The following TAFA4 variants were observed in gnomAD, a reference collection of about 807,000 sequenced individuals.
TAFA4 encodes the protein TAFA chemokine like family member 4.
A neutral mutation model predicts 21.1 loss-of-function variants in TAFA4; 20 were observed. The ratio of observed to expected loss-of-function variants is 0.95; its 90% CI spans 0.67 to 1.38. TAFA4 has a LOEUF of 1.38. Ranked by LOEUF, TAFA4 falls within the 40% of genes most tolerant of loss-of-function variation. The pLI is 0.00. For synonymous variants in TAFA4, 71 were observed against 67.4 expected (o/e 1.05, Z -0.26); for missense variants, 211 against 180.9 (o/e 1.17, Z -0.95).
intron 2 of TAFA4, among the ~76,000 whole-genome samples, chr3:68,881,338 A>G (rs1212424479): frequency 6.6e-6 from 1 of 151,996 alleles, no homozygotes; most frequent in African/African-American, 2.4e-5. Flanking sequence ...ACCAATCTCA[A>G]CTCCTCCTTT....
chr3:68,761,564 A>T (rs1702756278), intron 3 of TAFA4, among the ~76,000 whole-genome samples: 1 of 152,220 alleles, frequency 6.6e-6, no homozygotes, highest in African/African-American at 2.4e-5. Context: ...AGATGATGCC[A>T]GAAAGATAAT....
At chr3:68,914,910 A>C (rs899114674) in intron 1 of TAFA4, among the ~76,000 whole-genome samples, 1 of 152,368 alleles carries the variant, frequency 6.6e-6, no homozygotes, top group African/African-American at 2.4e-5. Flanking sequence ...AATAAAATTC[A>C]TATTTCAGTA....
intron 5 of TAFA4, among the ~76,000 whole-genome samples, chr3:68,735,288 T>C (rs1164557313): frequency 1.3e-5 from 2 of 152,172 alleles, no homozygotes; most frequent in African/African-American, 4.8e-5. Context: ...TTATAATCTG[T>C]ATTTTGCATC....
intron 3 of TAFA4, among the ~76,000 whole-genome samples, chr3:68,790,711 G>A (rs1421208745): frequency 6.6e-6 from 1 of 152,116 alleles, no homozygotes; most frequent in Non-Finnish European, 1.5e-5. Flanking sequence ...GTGGTACAAT[G>A]GCATAGTAAC....
At chr3:68,790,139 T>A (rs1027694225) in intron 3 of TAFA4, among the ~76,000 whole-genome samples, 1 of 152,072 alleles carries the variant, frequency 6.6e-6, no homozygotes, top group Non-Finnish European at 1.5e-5. Flanking sequence ...TATATAATTA[T>A]CATATAAAGG....
At chr3:68,802,429 G>T (rs1559525742) in intron 3 of TAFA4, among the ~76,000 whole-genome samples, 1 of 151,170 alleles carries the variant, frequency 6.6e-6, no homozygotes. Context: ...TTAGGGGAAG[G>T]GGGGTTGGCA....
chr3:68,854,712 G>A (rs1240058380), intron 3 of TAFA4, among the ~76,000 whole-genome samples: 4 of 151,020 alleles, frequency 2.6e-5, no homozygotes, highest in Admixed American at 1.3e-4. Flanking sequence ...TCTTCTCTCT[G>A]GTTGTGTATT....
At chr3:68,791,280 T>G (rs1055637894) in intron 3 of TAFA4, among the ~76,000 whole-genome samples, 8 of 152,224 alleles carry the variant, frequency 5.3e-5, no homozygotes, top group African/African-American at 1.9e-4. Flanking sequence ...AAGTCTAATC[T>G]AACATGCTGG....
chr3:68,795,673 C>T (rs1703442053), intron 3 of TAFA4, among the ~76,000 whole-genome samples: 1 of 152,122 alleles, frequency 6.6e-6, no homozygotes, highest in Non-Finnish European at 1.5e-5. Context: ...AAAGTAGAGG[C>T]AAAAGATAAA....
At chr3:68,809,445 ATT>A (rs541006171) in intron 3 of TAFA4, among the ~76,000 whole-genome samples, 3 of 151,210 alleles carry the variant, frequency 2.0e-5, no homozygotes, top group African/African-American at 7.3e-5. Flanking sequence ...TTTGTTTGTG[ATT>A]TTTTTTAGTT....
intron 3 of TAFA4, among the ~76,000 whole-genome samples, chr3:68,845,980 G>T (rs1366909222): frequency 1.3e-5 from 2 of 152,030 alleles, no homozygotes; most frequent in Non-Finnish European, 2.9e-5. Flanking sequence ...GGTCAATCTG[G>T]CAATTACGTG....
chr3:68,909,446 T>C (rs898963757), intron 1 of TAFA4, among the ~76,000 whole-genome samples: 3 of 150,226 alleles, frequency 2.0e-5, no homozygotes, highest in African/African-American at 7.6e-5. Context: ...AGTCCCTCAG[T>C]AAATATATCT....
chr3:68,906,404 C>G (rs1270702637), intron 1 of TAFA4, among the ~76,000 whole-genome samples: 4 of 152,178 alleles, frequency 2.6e-5, no homozygotes, highest in African/African-American at 9.7e-5. Context: ...TATGAGACAG[C>G]TTTTATTTAG....
chr3:68,916,758 C>G (rs1213266712), intron 1 of TAFA4, among the ~76,000 whole-genome samples: 4 of 152,208 alleles, frequency 2.6e-5, no homozygotes. Context: ...CCTTCTGCCT[C>G]TTATCCTCAA....
chr3:68,784,303 C>A lies in TAFA4; in HGVS notation c.131-31285G>T, dbSNP rs112263967. On this transcript the variant is annotated intron_variant, in intron 3 of 5. Coordinates refer to ENST00000295569, the MANE Select transcript of TAFA4 (RefSeq NM_182522.5). ...TGTCCGGAATTGGTGGGTTCTTGGT[C>A]TCACTGACTTCAAGAATGAAGCTGC... is the stretch of plus-strand genomic sequence containing the variant. Among the ~76,000 whole-genome samples, 349 of 152,326 alleles carry A rather than the reference C, an allele frequency of 2.3e-3. 3 individuals are homozygous for A. The highest frequency in any genetic ancestry group is 7.6e-3 in the African/African-American group (314 of 41,580).
chr3:68,831,513 C>T (rs553868210), intron 3 of TAFA4, among the ~76,000 whole-genome samples: 1 of 152,166 alleles, frequency 6.6e-6, no homozygotes, highest in East Asian at 1.9e-4. Flanking sequence ...TATTGGCCCC[C>T]ACTCTCTTCT....
In TAFA4 at chr3:68,758,347, G is replaced by A. The variant is rs147301259; in HGVS notation, c.131-5329C>T. ...GAATCGAAGCTCCCACGATTCCCACGTGTCATGGGAGGGACCTGATGGGAG... is the reference window on the plus strand; with the variant it reads ...GAATCGAAGCTCCCACGATTCCCACATGTCATGGGAGGGACCTGATGGGAG... On this transcript the variant is annotated intron_variant, in intron 3 of 5. Coordinates refer to ENST00000295569, the MANE Select transcript of TAFA4 (RefSeq NM_182522.5). Among the ~76,000 whole-genome samples, 414 of 152,294 alleles carry A rather than the reference G, an allele frequency of 2.7e-3. 4 individuals carry two copies. Among genetic ancestry groups the A allele is most frequent in the African/African-American group, 9.6e-3 (397 of 41,554 alleles).
At chr3:68,839,003 T>A (rs999735336) in intron 3 of TAFA4, among the ~76,000 whole-genome samples, 3 of 151,978 alleles carry the variant, frequency 2.0e-5, no homozygotes, top group African/African-American at 7.3e-5. Flanking sequence ...GAGGCTGAGG[T>A]GGGAGAATCA....
chr3:68,917,891 C>T (rs1453532696), intron 1 of TAFA4, among the ~76,000 whole-genome samples: 2 of 151,896 alleles, frequency 1.3e-5, no homozygotes, highest in African/African-American at 4.8e-5. Flanking sequence ...ACGATCAGGA[C>T]AAGTTGGTAG....
Sources: gnomAD v4.1 joint callset for allele counts (sites outside exome capture counted in the v4.1 genomes callset) on GRCh38, gnomAD v4.1.1 for gene constraint, MANE v1.5 for transcripts, NCBI Gene and HGNC (gene_info 2026-07-23, HGNC 2026-07-21) for gene names.